The following TEX15 variants were observed in gnomAD, a reference collection of about 807,000 sequenced individuals.
TEX15 encodes the protein testis expressed 15, meiosis and synapsis associated.
TEX15 carries 171 observed loss-of-function variants against 237.3 expected under a neutral mutation model. The ratio of observed to expected loss-of-function variants is 0.72; its 90% CI spans 0.64 to 0.82. The LOEUF (loss-of-function observed/expected upper bound fraction) is 0.82, where lower values mean the gene tolerates loss of function less well. Ranked by LOEUF, TEX15 falls within the 40% of genes least tolerant of loss-of-function variation. TEX15 has a pLI of 0.00. For synonymous variants in TEX15, 1,338 were observed against 1,269.8 expected, an observed-to-expected ratio of 1.05 and a Z score of -1.14; for missense variants, 3,750 against 3,646.5, an observed-to-expected ratio of 1.03 and a Z score of -0.73.
chr8:30,836,214 T>G (rs1039963459), intron 10 of TEX15, among the ~76,000 whole-genome samples: 1 of 125,806 alleles, frequency 7.9e-6, no homozygotes, highest in Admixed American at 8.5e-5. Flanking sequence ...CGTTTTTTTT[T>G]TTTTTTTTTT....
intron 1 of TEX15, among the ~76,000 whole-genome samples, chr8:30,900,133 AG>A (rs1808980298): frequency 6.6e-6 from 1 of 152,352 alleles, no homozygotes; most frequent in African/African-American, 2.4e-5. Context: ...AAAATATTTT[AG>A]AACTCATCAT....
At chr8:30,866,963 T>C (rs565452576) in intron 5 of TEX15, among the ~76,000 whole-genome samples, 3 of 151,530 alleles carry the variant, frequency 2.0e-5, no homozygotes, top group Non-Finnish European at 4.4e-5. Context: ...TAGTACTTAT[T>C]ATGATAGAAA....
intron 1 of TEX15, among the ~76,000 whole-genome samples, chr8:30,907,712 G>A (rs1409905937): frequency 3.5e-5 from 4 of 113,038 alleles, no homozygotes; most frequent in Admixed American, 1.0e-4. Flanking sequence ...ATATAAATTA[G>A]ATATAAAATT....
intron 5 of TEX15, among the ~76,000 whole-genome samples, chr8:30,862,711 C>CGG: frequency 6.6e-6 from 1 of 152,058 alleles, no homozygotes; most frequent in Admixed American, 6.6e-5. Flanking sequence ...ATCAGGATAC[C>CGG]TACTGTGATT....
intron 1 of TEX15, among the ~76,000 whole-genome samples, chr8:30,899,794 T>C (rs1808974799): frequency 6.6e-6 from 1 of 152,230 alleles, no homozygotes; most frequent in Non-Finnish European, 1.5e-5. Flanking sequence ...TCTGACCGTA[T>C]GCACCATGGA....
intron 7 of TEX15, among the ~76,000 whole-genome samples, chr8:30,850,735 T>C (rs920685807): frequency 5.9e-5 from 9 of 152,296 alleles, no homozygotes; most frequent in African/African-American, 1.9e-4. Flanking sequence ...GAATGGATGT[T>C]TTTATAATCT....
At chr8:30,833,612 C>A (rs2128765473) in intron 10 of TEX15, among the ~76,000 whole-genome samples, 1 of 152,292 alleles carries the variant, frequency 6.6e-6, no homozygotes, top group Middle Eastern at 3.4e-3. Flanking sequence ...CACTCAAGCA[C>A]TGTCCTTTAG....
chr8:30,855,543 A>T (rs533814449), intron 7 of TEX15, among the ~76,000 whole-genome samples: 15 of 152,312 alleles, frequency 9.8e-5, no homozygotes, highest in East Asian at 7.7e-4. Flanking sequence ...CAGTTCCTTG[A>T]TTAGTTACTA....
At chr8:30,849,932 C>G (rs1168067819) in intron 7 of TEX15, among the ~76,000 whole-genome samples, 1 of 152,004 alleles carries the variant, frequency 6.6e-6, no homozygotes, top group East Asian at 1.9e-4. Context: ...AAGAATAAAA[C>G]TAAATAGGAA....
In TEX15 at chr8:30,847,168, T is replaced by A. The variant is rs750968904; in HGVS notation, c.2999A>T (p.Asp1000Val). 2 of 1,613,946 alleles carry A rather than the reference T, an allele frequency of 1.2e-6. No individual in the cohort carries two copies. Among genetic ancestry groups the A allele is most frequent in the East Asian group, 2.2e-5 (1 of 44,880 alleles). Residue 1000 changes from aspartate (D) to valine (V), a missense_variant, in exon 8 of 11, where the codon GAC becomes GTC. Transcript: ENST00000643185. ...ATMPALSLNN[D>V]DHQIYQFKET... ...TTTAAACTGGTATATCTGGTGATCG[T>A]CATTATTTAGGCTTAATGCAGGCAT...
At chr8:30,838,151 G>A in intron 9 of TEX15, 90 bp from the exon 10 acceptor site, 1 of 1,166,154 alleles carries the variant, frequency 8.6e-7, no homozygotes, top group Non-Finnish European at 1.2e-6. Flanking sequence ...TTTTTATCCA[G>A]GGGAAGAGTT....
At position 30,837,883 on chromosome 8, in the gene TEX15, A is replaced by C; in HGVS notation, c.8401T>G (p.Leu2801Val). 1 of 1,614,142 alleles carries C rather than the reference A, an allele frequency of 6.2e-7. No individual in the cohort carries two copies. Among genetic ancestry groups the C allele is most frequent in the Admixed American group, 1.7e-5 (1 of 60,016 alleles). The change falls in exon 10 of 11, where the codon TTA (leucine) becomes GTA (valine). Residue 2801 changes from leucine (L) to valine (V), a missense_variant. Physicochemically the swap from Leu to Val is conservative, Grantham distance 32. Coordinates refer to ENST00000643185, the MANE Select transcript of TEX15 (RefSeq NM_001350162.2). ...CTGAAGTGATCAGATGAAACAGTTA[A>C]GTCTATTTTGCTTTCCGACTTTGAT... ...CASKSESKIDLTVSSDHFSGQ... is the reference protein window; with the variant it reads ...CASKSESKIDVTVSSDHFSGQ...
chr8:30,844,399 T>C lies in TEX15; in HGVS notation c.5768A>G (p.Glu1923Gly), dbSNP rs372760933. The C allele has an allele frequency of 8.3e-5, 134 of 1,610,102 alleles. No homozygotes were observed. Among genetic ancestry groups the C allele is most frequent in the Non-Finnish European group, 1.1e-4 (127 of 1,178,634 alleles). ...ACTAACTTTAATTTCCCCCTTCTTCTCTCTTTTGTTAAGCGGATTAGAAAC... is the reference window on the plus strand; with the variant it reads ...ACTAACTTTAATTTCCCCCTTCTTCCCTCTTTTGTTAAGCGGATTAGAAAC... ...NTVSNPLNKREKKGEIKVSKD... is the reference protein window; with the variant it reads ...NTVSNPLNKRGKKGEIKVSKD... The change falls in exon 8 of 11, where the codon GAG becomes GGG. Residue 1923 changes from glutamate to glycine, a missense_variant. Coordinates refer to ENST00000643185, the MANE Select transcript of TEX15 (RefSeq NM_001350162.2).
chr8:30,912,333 C>CCA (rs772066925), intron 1 of TEX15, among the ~76,000 whole-genome samples: 2 of 622 alleles, frequency 3.2e-3, no homozygotes. Flanking sequence ...GGCGGCGGGG[C>CCA]TCCCGCCCCC....
intron 7 of TEX15, among the ~76,000 whole-genome samples, chr8:30,853,746 G>A (rs1563249060): frequency 6.6e-6 from 1 of 152,032 alleles, no homozygotes; most frequent in East Asian, 1.9e-4. Flanking sequence ...TCATTCTCCA[G>A]GAAAGACTAT....
chr8:30,894,135 T>A (rs1585313252), intron 2 of TEX15, among the ~76,000 whole-genome samples: 1 of 152,322 alleles, frequency 6.6e-6, no homozygotes, highest in East Asian at 1.9e-4. Context: ...TCTCACATTT[T>A]AAAGCCTTTC....
At chr8:30,897,293 C>T (rs1213477047) in intron 2 of TEX15, among the ~76,000 whole-genome samples, 1 of 152,102 alleles carries the variant, frequency 6.6e-6, no homozygotes, top group African/African-American at 2.4e-5. Flanking sequence ...CTCTTCCTAC[C>T]ACTTTCAGGC....
chr8:30,909,705 T>C (rs938396222), intron 1 of TEX15, among the ~76,000 whole-genome samples: 1 of 152,132 alleles, frequency 6.6e-6, no homozygotes, highest in Non-Finnish European at 1.5e-5. Flanking sequence ...TTTATAAAGC[T>C]TGGAAGTATT....
intron 2 of TEX15, among the ~76,000 whole-genome samples, chr8:30,889,936 T>C (rs1358195309): frequency 1.6e-5 from 2 of 125,014 alleles, no homozygotes; most frequent in Admixed American, 8.5e-5. Flanking sequence ...GTTATATACA[T>C]ATATATATAT....
Sources: allele counts gnomAD v4.1 joint callset (sites outside exome capture counted in the v4.1 genomes callset), GRCh38; gene constraint gnomAD v4.1.1; transcripts MANE v1.5; gene names NCBI Gene and HGNC (gene_info 2026-07-23, HGNC 2026-07-21).